The following KYNU variants were observed in gnomAD, a reference collection of about 807,000 sequenced individuals.
KYNU encodes L-kynurenine hydrolase.
A neutral mutation model predicts 59.2 loss-of-function variants in KYNU; 54 were observed. The observed-to-expected ratio is 0.91, with a 90% CI of 0.73 to 1.14. KYNU has a LOEUF of 1.14. KYNU is among the 50% of genes most tolerant of loss of function. The pLI is 0.00. For synonymous variants in KYNU, 177 were observed against 192.0 expected (o/e 0.92, Z 0.65); for missense variants, 567 against 554.4 (o/e 1.02, Z -0.23).
At chr2:143,012,490 C>CAAAA (rs1255670962) in intron 10 of KYNU, among the ~76,000 whole-genome samples, 3 of 79,924 alleles carry the variant, frequency 3.8e-5, no homozygotes, top group East Asian at 3.7e-4. Flanking sequence ...CTCCAAAAAA[C>CAAAA]AAAAAAAAAA....
intron 13 of KYNU, among the ~76,000 whole-genome samples, chr2:143,041,159 T>C (rs1443332551): frequency 4.6e-5 from 7 of 152,106 alleles, no homozygotes. Flanking sequence ...GGAATAATTT[T>C]TTTTTAACCC....
intron 10 of KYNU, among the ~76,000 whole-genome samples, chr2:143,028,318 T>A (rs1394719517): frequency 7.0e-6 from 1 of 143,336 alleles, no homozygotes; most frequent in Non-Finnish European, 1.5e-5. Flanking sequence ...CCATCTCGGC[T>A]CACTGCAACC....
intron 1 of KYNU, 55 bp downstream of exon 1, chr2:142,877,791 T>C (rs1427521810): frequency 1.3e-5 from 2 of 152,192 alleles, no homozygotes; most frequent in African/African-American, 4.8e-5. Context: ...TCCATGTTTT[T>C]TCCAAATGAA....
intron 2 of KYNU, among the ~76,000 whole-genome samples, chr2:142,899,680 T>TAG (rs1682006044): frequency 6.6e-6 from 1 of 152,158 alleles, no homozygotes. Flanking sequence ...ACAGTAGATC[T>TAG]TAGTCATGCA....
At chr2:142,946,614 G>A (rs1476749908) in intron 4 of KYNU, among the ~76,000 whole-genome samples, 1 of 152,176 alleles carries the variant, frequency 6.6e-6, no homozygotes, top group Non-Finnish European at 1.5e-5. Context: ...CTGTAAATAG[G>A]TGGGCTGTTG....
Position 143,041,178 on chromosome 2 carries a change from A to T in KYNU, c.1272+520A>T, listed in dbSNP as rs188936992. ...TAATTTTTTTTTAACCCTTCAGCCT[A>T]TATGACCTTCTTGGTCTCTTGAAGA... On this transcript the variant is annotated intron_variant, in intron 13 of 13. Coordinates refer to ENST00000264170, the MANE Select transcript of KYNU (RefSeq NM_003937.3). 1.7e-3 allele frequency among the ~76,000 whole-genome samples: 258 copies of T among 152,144 alleles called. 1 individual carries two copies. Among genetic ancestry groups the T allele is most frequent in the African/African-American group, 6.0e-3 (250 of 41,528 alleles).
At chr2:142,975,739 CA>C (rs1684862892) in intron 8 of KYNU, among the ~76,000 whole-genome samples, 1 of 152,144 alleles carries the variant, frequency 6.6e-6, no homozygotes, top group Non-Finnish European at 1.5e-5. Flanking sequence ...CTAATTTGCA[CA>C]AGTTGATAAA....
At chr2:142,920,932 C>A (rs1682859480) in intron 3 of KYNU, among the ~76,000 whole-genome samples, 1 of 152,164 alleles carries the variant, frequency 6.6e-6, no homozygotes, top group Non-Finnish European at 1.5e-5. Flanking sequence ...TTTTACCTCC[C>A]AAATATTTAG....
At chr2:142,902,371 T>C (rs1049726890) in intron 2 of KYNU, among the ~76,000 whole-genome samples, 1 of 152,220 alleles carries the variant, frequency 6.6e-6, no homozygotes, top group African/African-American at 2.4e-5. Context: ...GGCCTTTTTT[T>C]AGGGCCTGGA....
intron 2 of KYNU, among the ~76,000 whole-genome samples, chr2:142,902,590 G>A (rs1682140492): frequency 6.6e-6 from 1 of 152,170 alleles, no homozygotes; most frequent in African/African-American, 2.4e-5. Context: ...CTTACTGAGG[G>A]CCCTGGTGCC....
intron 4 of KYNU, among the ~76,000 whole-genome samples, chr2:142,935,416 G>C (rs1573809305): frequency 6.6e-6 from 1 of 152,172 alleles, no homozygotes; most frequent in East Asian, 1.9e-4. Flanking sequence ...TGGGGGTCCT[G>C]ATTGGGAACT....
At chr2:142,912,371 CTTTTTT>C (rs60854220) in intron 2 of KYNU, among the ~76,000 whole-genome samples, 2,302 of 89,376 alleles carry the variant, frequency 0.026, 33 homozygotes, top group Admixed American at 0.11. Context: ...TTTTGTATTT[CTTTTTT>C]TTTTTTTTTT....
At chr2:142,949,219 G>A (rs1272708630) in intron 4 of KYNU, among the ~76,000 whole-genome samples, 1 of 152,208 alleles carries the variant, frequency 6.6e-6, no homozygotes, top group Non-Finnish European at 1.5e-5. Flanking sequence ...CTGGTGTTGA[G>A]TATCTGTGGC....
chr2:143,017,434 C>CTTTTTTCTTTTTTTTTTTTTTTT (rs1558977527), intron 10 of KYNU, among the ~76,000 whole-genome samples: 1 of 68,448 alleles, frequency 1.5e-5, no homozygotes, highest in Non-Finnish European at 2.6e-5. Flanking sequence ...TCTCTTTTTT[C>CTTTTTTCTTTTTTTTTTTTTTTT]TTTTTTTTTT....
chr2:143,041,909 TA>T (rs1295500226), intron 13 of KYNU, 137 bp from the exon 14 acceptor site: 3 of 799,438 alleles, frequency 3.8e-6, no homozygotes, highest in Middle Eastern at 3.0e-4. Flanking sequence ...CACCATGTTT[TA>T]AAGTAAAAAA....
intron 10 of KYNU, 85 bp from the exon 11 acceptor site, chr2:143,029,542 C>G (rs1030088124): frequency 8.6e-6 from 7 of 818,348 alleles, no homozygotes; most frequent in African/African-American, 5.0e-5. Context: ...GCTGAGATCA[C>G]GCCACTGCAC....
At chr2:143,026,218 T>TTG (rs1558981760) in intron 10 of KYNU, among the ~76,000 whole-genome samples, 2 of 152,338 alleles carry the variant, frequency 1.3e-5, no homozygotes, top group South Asian at 4.1e-4. Context: ...TTTAATCTTT[T>TTG]TGTATATATA....
Position 142,946,505 on chromosome 2 carries a change from G to T in KYNU, c.374-8305G>T, listed in dbSNP as rs192343521. 3.3e-5 allele frequency among the ~76,000 whole-genome samples: 5 copies of T among 152,256 alleles called. 1 individual carries two copies. Among genetic ancestry groups the T allele is most frequent in the African/African-American group, 9.6e-5 (4 of 41,564 alleles). Reference sequence around the variant, plus strand: ...TACATCTCCATCAGAGCTCTTGGGCGACTATGTGCATTGTCAATAAGCACT... The same window carrying T: ...TACATCTCCATCAGAGCTCTTGGGCTACTATGTGCATTGTCAATAAGCACT... On this transcript the variant is annotated intron_variant, in intron 4 of 13. Coordinates refer to ENST00000264170, the MANE Select transcript of KYNU (RefSeq NM_003937.3).
intron 10 of KYNU, among the ~76,000 whole-genome samples, chr2:143,014,882 GTT>G (rs1686206905): frequency 6.6e-6 from 1 of 152,238 alleles, no homozygotes; most frequent in South Asian, 2.1e-4. Flanking sequence ...CTCATCAGGT[GTT>G]TGTTTATTTG....
Sources: gnomAD v4.1 joint callset for allele counts (sites outside exome capture counted in the v4.1 genomes callset) on GRCh38, gnomAD v4.1.1 for gene constraint, MANE v1.5 for transcripts, NCBI Gene and HGNC (gene_info 2026-07-23, HGNC 2026-07-21) for gene names.